Variants in PCDH9 observed in about 807,000 individuals in gnomAD.
PCDH9 encodes the protein protocadherin-9.
A neutral mutation model predicts 70.6 loss-of-function variants in PCDH9; 24 were observed. The observed-to-expected ratio is 0.34, with a 90% confidence interval of 0.25 to 0.48. The LOEUF (loss-of-function observed/expected upper bound fraction) is 0.48. PCDH9 is among the 20% of genes least tolerant of loss of function. PCDH9 has a pLI of 0.99. For missense variants in PCDH9, 1,281 were observed against 1,503.6 expected (o/e 0.85, Z 2.45); for synonymous variants, 562 against 558.5 (o/e 1.01, Z -0.09).
At chr13:66,359,711 G>A (rs1172397568) in intron 4 of PCDH9, among the ~76,000 whole-genome samples, 1 of 152,026 alleles carries the variant, frequency 6.6e-6, no homozygotes, top group Non-Finnish European at 1.5e-5. Flanking sequence ...TCTGTCTTGA[G>A]TTGAAGGTGT....
chr13:66,747,628 T>C (rs1283745937), intron 3 of PCDH9, among the ~76,000 whole-genome samples: 1 of 152,130 alleles, frequency 6.6e-6, no homozygotes, highest in African/African-American at 2.4e-5. Context: ...TGTATTAATA[T>C]ACAGGCATAC....
At chr13:66,981,153 G>T (rs74753505) in intron 2 of PCDH9, among the ~76,000 whole-genome samples, 2,703 of 152,110 alleles carry the variant, frequency 0.018, 84 homozygotes, top group African/African-American at 0.061. Flanking sequence ...AATAGTAAAA[G>T]GTAGGCCGGT....
chr13:66,575,774 CA>C (rs1379608339), intron 4 of PCDH9, among the ~76,000 whole-genome samples: 1 of 152,060 alleles, frequency 6.6e-6, no homozygotes, highest in Admixed American at 6.6e-5. Context: ...TATTCACTCT[CA>C]AAACACACTG....
At chr13:66,956,496 A>T (rs2083267460) in intron 2 of PCDH9, among the ~76,000 whole-genome samples, 1 of 152,188 alleles carries the variant, frequency 6.6e-6, no homozygotes, top group Non-Finnish European at 1.5e-5. Context: ...TCATGCCTGT[A>T]ATCCCAGCAA....
intron 4 of PCDH9, among the ~76,000 whole-genome samples, chr13:66,356,073 A>C (rs777900739): frequency 6.6e-6 from 1 of 152,196 alleles, no homozygotes; most frequent in Non-Finnish European, 1.5e-5. Flanking sequence ...TACTATAGGC[A>C]AAGTGAAATT....
intron 3 of PCDH9, among the ~76,000 whole-genome samples, chr13:66,711,348 T>C (rs1478144934): frequency 6.6e-6 from 1 of 151,826 alleles, no homozygotes; most frequent in East Asian, 1.9e-4. Context: ...TGTACTAACT[T>C]CTTATAAGAA....
intron 3 of PCDH9, among the ~76,000 whole-genome samples, chr13:66,635,575 T>C (rs2077626736): frequency 1.3e-5 from 2 of 152,082 alleles, no homozygotes; most frequent in South Asian, 2.1e-4. Flanking sequence ...TACTTTTTTC[T>C]TGCAGCTTAG....
At chr13:66,368,224 G>A (rs937251197) in intron 4 of PCDH9, among the ~76,000 whole-genome samples, 2 of 152,104 alleles carry the variant, frequency 1.3e-5, no homozygotes, top group Admixed American at 1.3e-4. Flanking sequence ...ATTACTAAAT[G>A]AGTTAAAATT....
chr13:66,522,578 T>G (rs527484631), intron 4 of PCDH9, among the ~76,000 whole-genome samples: 17 of 152,152 alleles, frequency 1.1e-4, no homozygotes, highest in Admixed American at 6.6e-4. Context: ...GGAAGAATGG[T>G]CTTTGCAAAT....
intron 4 of PCDH9, among the ~76,000 whole-genome samples, chr13:66,426,448 T>A (rs770136126): frequency 6.6e-6 from 1 of 150,740 alleles, no homozygotes; most frequent in Non-Finnish European, 1.5e-5. Context: ...TTACAGCATT[T>A]TATTTCCCAG....
chr13:66,778,132 T>A lies in PCDH9; in HGVS notation c.3138+125372A>T, dbSNP rs1317971846. The stretch of plus-strand genomic sequence containing the variant: ...GAACACCACACTCTGGGGACTGTTG[T>A]GGGGTGGGGGGAGGGGGGAGGTATA... On this transcript the variant is annotated intron_variant, in intron 3 of 4. Transcript: ENST00000377865. Among the ~76,000 whole-genome samples the A allele has an allele frequency of 1.1e-4, 7 of 60,880 alleles. No homozygotes were observed. In the East Asian group the frequency reaches 3.3e-3, roughly 28 times the overall value. 39.9% of individuals were successfully genotyped at this position (60,880 alleles called of 152,430 possible). A position where few individuals can be genotyped will look rare whatever the true frequency, so the allele number is the denominator to read the frequency against.
At chr13:66,869,776 T>C (rs12863004) in intron 3 of PCDH9, among the ~76,000 whole-genome samples, 6 of 152,120 alleles carry the variant, frequency 3.9e-5, no homozygotes, top group Non-Finnish European at 5.9e-5. Context: ...CACACAAACA[T>C]ATACACACTC....
At chr13:66,583,528 C>G (rs901289800) in intron 4 of PCDH9, among the ~76,000 whole-genome samples, 1 of 151,784 alleles carries the variant, frequency 6.6e-6, no homozygotes, top group Admixed American at 6.6e-5. Flanking sequence ...AGGAGAGCCA[C>G]TTGAATTCCG....
intron 4 of PCDH9, among the ~76,000 whole-genome samples, chr13:66,466,222 C>T (rs953637770): frequency 4.0e-5 from 6 of 151,612 alleles, no homozygotes; most frequent in Non-Finnish European, 8.8e-5. Flanking sequence ...TGTCAGTCCT[C>T]CCCAACCATG....
Position 67,195,038 on chromosome 13 carries a change from G to C in PCDH9, c.3036+30367C>G, listed in dbSNP as rs139876343. Among the ~76,000 whole-genome samples, 8 of 152,142 alleles carry C rather than the reference G, an allele frequency of 5.3e-5. No homozygotes were observed. In the South Asian group the frequency reaches 1.7e-3, roughly 32 times the overall value. ...CACTTGTGAAAACTGAGAAATTTCC[G>C]TAAGAGGATGTTATCCCTCCAAACC... On this transcript the variant is annotated intron_variant, in intron 2 of 4. Transcript: ENST00000377865.
At chr13:67,095,757 C>G (rs978938572) in intron 2 of PCDH9, among the ~76,000 whole-genome samples, 3 of 152,110 alleles carry the variant, frequency 2.0e-5, no homozygotes, top group Non-Finnish European at 4.4e-5. Flanking sequence ...AGTTTGTTTT[C>G]CCAACTACAT....
At chr13:66,567,153 A>G (rs1007818205) in intron 4 of PCDH9, among the ~76,000 whole-genome samples, 1 of 152,194 alleles carries the variant, frequency 6.6e-6, no homozygotes, top group Non-Finnish European at 1.5e-5. Context: ...GTTTAAGTCA[A>G]TATCATTCAA....
chr13:66,856,423 G>GA (rs2081395723), intron 3 of PCDH9, among the ~76,000 whole-genome samples: 1 of 151,992 alleles, frequency 6.6e-6, no homozygotes, highest in Non-Finnish European at 1.5e-5. Flanking sequence ...CTGATCACTT[G>GA]AAAATAGGTT....
intron 4 of PCDH9, chr13:66,323,409 T>C (rs1298026900): frequency 6.6e-6 from 1 of 152,014 alleles, no homozygotes; most frequent in African/African-American, 2.4e-5. Flanking sequence ...AAAGAGTAAG[T>C]CGTTTATAGG....
Sources: allele counts gnomAD v4.1 joint callset (sites outside exome capture counted in the v4.1 genomes callset), GRCh38; gene constraint gnomAD v4.1.1; transcripts MANE v1.5; gene names NCBI Gene and HGNC (gene_info 2026-07-23, HGNC 2026-07-21).